The following SOX7 variants were observed in gnomAD, a reference collection of about 807,000 sequenced individuals.
The protein encoded by SOX7 is transcription factor SOX-7.
In SOX7, 19 loss-of-function variants were observed where a neutral mutation model predicts 24.9. That is an observed-to-expected ratio of 0.76 (90% CI 0.53 to 1.12). SOX7 has a LOEUF of 1.12. Ranked by LOEUF, SOX7 falls within the 50% of genes most tolerant of loss-of-function variation. SOX7 has a pLI of 0.00. For missense variants in SOX7, 702 were observed against 535.0 expected, an observed-to-expected ratio of 1.31 and a Z score of -3.08; for synonymous variants, 327 against 244.5, an observed-to-expected ratio of 1.34 and a Z score of -3.15.
intron 1 of SOX7, among the ~76,000 whole-genome samples, chr8:10,727,777 A>T (rs1250746252): frequency 1.3e-5 from 2 of 152,170 alleles, no homozygotes; most frequent in African/African-American, 4.8e-5. Context: ...TTCTACCATG[A>T]TGCTAATGTG....
intron 1 of SOX7, among the ~76,000 whole-genome samples, chr8:10,729,037 C>T (rs1388166875): frequency 6.6e-6 from 1 of 152,232 alleles, no homozygotes; most frequent in East Asian, 1.9e-4. Context: ...CGAGTTGGTG[C>T]AGCCGGCCAC....
At chr8:10,726,928 G>A (rs1226375372) in intron 1 of SOX7, among the ~76,000 whole-genome samples, 1 of 152,154 alleles carries the variant, frequency 6.6e-6, no homozygotes, top group South Asian at 2.1e-4. Flanking sequence ...TATAAAAGCC[G>A]CCAGAGCGTG....
In SOX7 at chr8:10,726,474, G is replaced by A. The variant is rs749029820; in HGVS notation, c.431C>T (p.Ala144Val). 1.2e-6 allele frequency: 2 copies of A among 1,612,216 alleles called. No individual in the cohort carries two copies. The highest frequency in any genetic ancestry group is 8.5e-7 in the Non-Finnish European group (1 of 1,179,920). The part of the protein sequence containing the change: ...LLSSLSRDQN[A>V]LPEKRSGSRG... The stretch of plus-strand genomic sequence containing the variant: ...GCTGCCGCTTCTCTTCTCCGGCAGG[G>A]CGTTCTGGTCCCGGGAGAGGGAGCT... The change falls in exon 2 of 2, where the codon GCC becomes GTC. Residue 144 changes from alanine (A) to valine (V), a missense_variant. Transcript: ENST00000304501.
intron 1 of SOX7, 132 bp from the exon 2 acceptor site, chr8:10,726,798 C>T (rs977764558): frequency 1.2e-6 from 1 of 808,226 alleles, no homozygotes; most frequent in Admixed American, 3.0e-5. Flanking sequence ...AGGACACGGG[C>T]ATCTCTTGCA....
intron 1 of SOX7, among the ~76,000 whole-genome samples, chr8:10,726,936 G>A (rs7018288): frequency 0.55 from 84,030 of 151,930 alleles, 23,680 homozygotes; most frequent in African/African-American, 0.64. Context: ...CCGCCAGAGC[G>A]TGCCCACACT....
chr8:10,725,669 G>A lies in SOX7; in HGVS notation c.*69C>T. 2.6e-6 allele frequency: 4 copies of A among 1,535,890 alleles called. No individual in the cohort carries two copies. Among genetic ancestry groups the A allele is most frequent in the South Asian group, 2.3e-5 (2 of 87,624 alleles). ...GGGAGGAAAGCTGGTGTGGCTGGACGGCTCCTCTGCCACTCAAGGCACAAG... is the reference window on the plus strand; with the variant it reads ...GGGAGGAAAGCTGGTGTGGCTGGACAGCTCCTCTGCCACTCAAGGCACAAG... On this transcript the variant is annotated 3_prime_UTR_variant, in exon 2 of 2. Transcript: ENST00000304501.
rs1800152491 is a variant in SOX7 at position 10,726,340 on chromosome 8, C to T, written c.565G>A (p.Gly189Ser). 1 of 1,611,984 alleles carries T rather than the reference C, an allele frequency of 6.2e-7. No individual in the cohort carries two copies. The highest frequency in any genetic ancestry group is 1.1e-5 in the South Asian group (1 of 91,042). The change falls in exon 2 of 2, where the codon GGC becomes AGC. Residue 189 changes from glycine to serine, a missense_variant. Coordinates refer to ENST00000304501, the MANE Select transcript of SOX7 (RefSeq NM_031439.4). ...TACGTGTCCACACTGCTCGGGGTGCCGCCGCCGCCACCACCAGCCGGCCCC... is the reference window on the plus strand; with the variant it reads ...TACGTGTCCACACTGCTCGGGGTGCTGCCGCCGCCACCACCAGCCGGCCCC... The part of the protein sequence containing the change: ...HEGPAGGGGG[G>S]TPSSVDTYPY...
In SOX7 at chr8:10,723,896, T is replaced by C. The variant is rs1007391875; in HGVS notation, c.*1842A>G. ...GCTTAATGTCTGTGATACTGTTTTA[T>C]GAGATTATTCATACATGCTCTGGAC... On this transcript the variant is annotated 3_prime_UTR_variant, in exon 2 of 2. Transcript: ENST00000304501. The C allele has an allele frequency of 3.9e-5, 6 of 152,666 alleles. No homozygotes were observed. The highest frequency in any genetic ancestry group is 1.4e-4 in the African/African-American group (6 of 41,460). 9.5% of individuals were successfully genotyped at this position (152,666 alleles called of 1,614,324 possible). A position where few individuals can be genotyped will look rare whatever the true frequency, so the allele number is the denominator to read the frequency against.
Position 10,725,856 on chromosome 8 carries a change from G to T in SOX7, c.1049C>A (p.Ala350Asp), listed in dbSNP as rs1196323601. 6.2e-7 allele frequency: 1 copy of T among 1,614,236 alleles called. No individual in the cohort carries two copies. Among genetic ancestry groups the T allele is most frequent in the Non-Finnish European group, 8.5e-7 (1 of 1,180,036 alleles). Residue 350 changes from alanine to aspartate, a missense_variant, in exon 2 of 2, where the codon GCC becomes GAC. Physicochemically the swap from Ala to Asp is moderately radical, Grantham distance 126. Coordinates refer to ENST00000304501, the MANE Select transcript of SOX7 (RefSeq NM_031439.4). ...GGAGACCGGAACATGCCCACTGAGG[G>T]CCATGGCCCCTGTGGCGGAGTCTGG... ...GHPDSATGAM[A>D]LSGHVPVSQV... is the part of the protein sequence containing the mutation.
intron 1 of SOX7, among the ~76,000 whole-genome samples, chr8:10,728,167 G>A (rs1230744781): frequency 1.3e-5 from 2 of 152,194 alleles, no homozygotes; most frequent in Non-Finnish European, 2.9e-5. Context: ...TCTGTCTGTG[G>A]TCTCAATATA....
chr8:10,725,636 T>G lies in SOX7; in HGVS notation c.*102A>C. ...GGCCGCAGTTCAGACCTCCCTGCCC[T>G]GAGCGGTGGGAGGAAAGCTGGTGTG... On this transcript the variant is annotated 3_prime_UTR_variant, in exon 2 of 2. Coordinates refer to ENST00000304501, the MANE Select transcript of SOX7 (RefSeq NM_031439.4). The G allele has an allele frequency of 7.7e-7, 1 of 1,305,482 alleles. No individual in the cohort carries two copies. Among genetic ancestry groups the G allele is most frequent in the East Asian group, 2.4e-5 (1 of 42,068 alleles). The allele number at this position is 1,305,482 out of a possible 1,614,324, so 80.9% of individuals were successfully genotyped here.
rs1272003685 is a variant in SOX7 at position 10,723,851 on chromosome 8, C to G, written c.*1887G>C. On this transcript the variant is annotated 3_prime_UTR_variant, in exon 2 of 2. Transcript: ENST00000304501. Reference sequence around the variant, plus strand: ...TGTTCCAAAGTATGAGTTGTTCTTTCAAAAAAACGAAACAGTTTAGCTTAA... The same window carrying G: ...TGTTCCAAAGTATGAGTTGTTCTTTGAAAAAAACGAAACAGTTTAGCTTAA... 2 of 152,386 alleles carry G rather than the reference C, an allele frequency of 1.3e-5. No individual in the cohort carries two copies. Among genetic ancestry groups the G allele is most frequent in the Non-Finnish European group, 2.9e-5 (2 of 67,950 alleles). The allele number at this position is 152,386 out of a possible 1,614,324, so 9.4% of individuals were successfully genotyped here.
In SOX7 at chr8:10,723,831, C is replaced by A. The variant is rs1800090805; in HGVS notation, c.*1907G>T. 1 of 152,484 alleles carries A rather than the reference C, an allele frequency of 6.6e-6. No homozygotes were observed. The highest frequency in any genetic ancestry group is 1.5e-5 in the Non-Finnish European group (1 of 67,996). 9.4% of individuals were successfully genotyped at this position (152,484 alleles called of 1,614,324 possible). ...AACAAATTAATATTGACAACTGTTC[C>A]AAAGTATGAGTTGTTCTTTCAAAAA... On this transcript the variant is annotated 3_prime_UTR_variant, in exon 2 of 2. Transcript: ENST00000304501.
rs541034707 is a variant in SOX7 at position 10,730,161 on chromosome 8, C to T, written c.238+35G>A. ...CCGCCAGCCGCCCGCCGCCCGCCCCCGGCCCCCAGCCCGCTCGGCCGCGCG... is the reference window on the plus strand; with the variant it reads ...CCGCCAGCCGCCCGCCGCCCGCCCCTGGCCCCCAGCCCGCTCGGCCGCGCG... On this transcript the variant is annotated intron_variant, in intron 1 of 1. Transcript: ENST00000304501. This position sits in a 1 kb window ranked among gnomAD's most constrained non-coding sequence, Gnocchi z 4.8. The T allele has an allele frequency of 3.5e-6, 5 of 1,413,854 alleles. No homozygotes were observed. In the African/African-American group the frequency reaches 6.0e-5, roughly 17 times the overall value. 87.6% of individuals were successfully genotyped at this position (1,413,854 alleles called of 1,614,324 possible). A position where few individuals can be genotyped will look rare whatever the true frequency, so the allele number is the denominator to read the frequency against.
Position 10,725,759 on chromosome 8 carries a change from G to A in SOX7, c.1146C>T (p.Tyr382=), listed in dbSNP as rs751091753. ...AGCTCTATGACACACTGTAGCTGTTGTAGTACGTGGCCGTGGCATCAGCCA... is the reference window on the plus strand; with the variant it reads ...AGCTCTATGACACACTGTAGCTGTTATAGTACGTGGCCGTGGCATCAGCCA... The part of the protein sequence containing the change: ...SVLADATATY[Y]NSYSVS Residue 382 remains tyrosine (Y), a synonymous_variant, in exon 2 of 2, where the codon TAC becomes TAT. Coordinates refer to ENST00000304501, the MANE Select transcript of SOX7 (RefSeq NM_031439.4). 7 of 1,614,176 alleles carry A rather than the reference G, an allele frequency of 4.3e-6. No homozygotes were observed. The Middle Eastern group carries it at 4.9e-4, about 114-fold the overall frequency.
chr8:10,727,385 T>C (rs1247702834), intron 1 of SOX7, among the ~76,000 whole-genome samples: 1 of 152,132 alleles, frequency 6.6e-6, no homozygotes, highest in Non-Finnish European at 1.5e-5. Context: ...CAGCCAGCCA[T>C]CTTTTGGGGA....
At position 10,723,956 on chromosome 8, in the gene SOX7, T is replaced by C. The variant is rs751665409; in HGVS notation, c.*1782A>G. ...GTCAATCATATCATCAACAATTTAC[T>C]ATTTATTACCAAATGGCATATAAAG... On this transcript the variant is annotated 3_prime_UTR_variant, in exon 2 of 2. Coordinates refer to ENST00000304501, the MANE Select transcript of SOX7 (RefSeq NM_031439.4). 2.6e-5 allele frequency: 4 copies of C among 152,630 alleles called. No individual in the cohort carries two copies. Among genetic ancestry groups the C allele is most frequent in the Admixed American group, 6.5e-5 (1 of 15,286 alleles). The allele number at this position is 152,630 out of a possible 1,614,324, so 9.5% of individuals were successfully genotyped here.
Position 10,726,046 on chromosome 8 carries a change from C to T in SOX7, c.859G>A (p.Ala287Thr), listed in dbSNP as rs1330101110. Residue 287 changes from alanine (A) to threonine (T), a missense_variant, in exon 2 of 2, where the codon GCC (alanine) becomes ACC (threonine). By Grantham distance (58) the Ala-to-Thr change is moderately conservative. Coordinates refer to ENST00000304501, the MANE Select transcript of SOX7 (RefSeq NM_031439.4). ...TTGGAGTGGAGTGGGTGGTAGGTGG[C>T]CGGGGAGTAATAGGCAGGAGATGGG... The part of the protein sequence containing the change: ...CPPSPAYYSP[A>T]TYHPLHSNLQ... 4 of 1,569,336 alleles carry T rather than the reference C, an allele frequency of 2.5e-6. No individual in the cohort carries two copies. The highest frequency in any genetic ancestry group is 2.6e-6 in the Non-Finnish European group (3 of 1,156,760).
At position 10,724,645 on chromosome 8, in the gene SOX7, A is replaced by T. The variant is rs1323746914; in HGVS notation, c.*1093T>A. On this transcript the variant is annotated 3_prime_UTR_variant, in exon 2 of 2. Transcript: ENST00000304501. ...TTGTTAATAAAAATATCTGATTTAG[A>T]CTTTGAGTTTAGGAGTTGCATGAAG... 6.6e-6 allele frequency: 1 copy of T among 151,888 alleles called. No individual in the cohort carries two copies. The highest frequency in any genetic ancestry group is 6.6e-5 in the Admixed American group (1 of 15,248). 9.4% of individuals were successfully genotyped at this position (151,888 alleles called of 1,614,324 possible).
Sources: gnomAD v4.1 joint callset for allele counts (sites outside exome capture counted in the v4.1 genomes callset) on GRCh38, gnomAD v4.1.1 for gene constraint, Gnocchi (gnomAD v3.1) non-coding constraint, MANE v1.5 for transcripts, NCBI Gene and HGNC (gene_info 2026-07-23, HGNC 2026-07-21) for gene names.